The following DAAM1 variants were observed in gnomAD, a reference collection of about 807,000 sequenced individuals.
The protein encoded by DAAM1 is dishevelled associated activator of morphogenesis 1.
In DAAM1, 52 loss-of-function variants were observed where a neutral mutation model predicts 130.0. The observed-to-expected ratio is 0.40, with a 90% CI of 0.32 to 0.50. The LOEUF is 0.50. Among genes scored for constraint, DAAM1 ranks in the 20% least tolerant of loss-of-function variants. DAAM1 has a pLI of 0.61. For missense variants in DAAM1, 1,134 were observed against 1,303.8 expected (o/e 0.87, Z 2.01); for synonymous variants, 452 against 444.5 (o/e 1.02, Z -0.21).
chr14:59,280,924 TG>T (rs1335215321), intron 2 of DAAM1, among the ~76,000 whole-genome samples: 1 of 152,146 alleles, frequency 6.6e-6, no homozygotes, highest in African/African-American at 2.4e-5. Flanking sequence ...TTACTGTTAT[TG>T]TTTTTATTTT....
At chr14:59,326,887 A>T in intron 11 of DAAM1, 46 bp from the exon 12 acceptor site, 1 of 1,609,732 alleles carries the variant, frequency 6.2e-7, no homozygotes. Context: ...TTAGCAGTGG[A>T]CCTTTTATAT....
chr14:59,195,907 T>C (rs767548588), intron 1 of DAAM1, among the ~76,000 whole-genome samples: 4 of 151,968 alleles, frequency 2.6e-5, no homozygotes, highest in Non-Finnish European at 5.9e-5. Context: ...AAATTAATCA[T>C]GCTTTTGGGG....
chr14:59,257,221 G>A (rs535826023), intron 1 of DAAM1, among the ~76,000 whole-genome samples: 6 of 152,236 alleles, frequency 3.9e-5, no homozygotes, highest in Non-Finnish European at 7.4e-5. Flanking sequence ...ACCCAGTCAC[G>A]TATCTCTGAC....
At position 59,367,690 on chromosome 14, in the gene DAAM1, C is replaced by A. The variant is rs902795536; in HGVS notation, c.2997+91C>A. On this transcript the variant is annotated intron_variant, in intron 24 of 24. Transcript: ENST00000360909. Reference sequence around the variant, plus strand: ...GTATTTAGAGAGCACTCTGACCTGGCAGGAAGGAAGGCTTCAATGTACTCT... The same window carrying A: ...GTATTTAGAGAGCACTCTGACCTGGAAGGAAGGAAGGCTTCAATGTACTCT... The A allele has an allele frequency of 7.5e-6, 11 of 1,457,062 alleles. No individual in the cohort carries two copies. In the African/African-American group the frequency reaches 1.4e-4, roughly 19 times the overall value. 90.3% of individuals were successfully genotyped at this position (1,457,062 alleles called of 1,614,324 possible). A position where few individuals can be genotyped will look rare whatever the true frequency, so the allele number is the denominator to read the frequency against.
rs113279275 is a variant in DAAM1, at chr14:59,312,450, T to C, written c.274-2830T>C. 5.0e-3 allele frequency among the ~76,000 whole-genome samples: 754 copies of C among 152,304 alleles called. 6 individuals are homozygous for C. The highest frequency in any genetic ancestry group is 0.017 in the African/African-American group (694 of 41,556). On this transcript the variant is annotated intron_variant, in intron 3 of 24. Coordinates refer to ENST00000360909, the MANE Select transcript of DAAM1 (RefSeq NM_001270520.2). Reference sequence around the variant, plus strand: ...GGTTACTTAAGAGTCACATAGCTAGTGAGAGACTAAGGATTCAAATGCTGT... The same window carrying C: ...GGTTACTTAAGAGTCACATAGCTAGCGAGAGACTAAGGATTCAAATGCTGT...
At chr14:59,351,984 C>G (rs1030906964) in intron 17 of DAAM1, among the ~76,000 whole-genome samples, 7 of 151,874 alleles carry the variant, frequency 4.6e-5, no homozygotes, top group African/African-American at 1.7e-4. Context: ...TCACCCAGCT[C>G]TGCATGGAAG....
chr14:59,274,299 T>C (rs891804472), intron 2 of DAAM1, among the ~76,000 whole-genome samples: 1 of 152,102 alleles, frequency 6.6e-6, no homozygotes, highest in Non-Finnish European at 1.5e-5. Context: ...ATATATGACA[T>C]GTATATATAT....
chr14:59,211,173 A>C (rs1345996066), intron 1 of DAAM1, among the ~76,000 whole-genome samples: 1 of 152,214 alleles, frequency 6.6e-6, no homozygotes. Flanking sequence ...TCTTCCAAGC[A>C]CAGAGAGCTT....
chr14:59,227,236 G>T (rs1182981880), intron 1 of DAAM1, among the ~76,000 whole-genome samples: 2 of 152,118 alleles, frequency 1.3e-5, no homozygotes, highest in African/African-American at 4.8e-5. Flanking sequence ...AGGCTTACAT[G>T]TGAACAAGGA....
At chr14:59,222,899 A>G (rs34582858) in intron 1 of DAAM1, among the ~76,000 whole-genome samples, 30,665 of 152,194 alleles carry the variant, frequency 0.2, 3,752 homozygotes, top group Non-Finnish European at 0.27. Context: ...TCTTCTTTCA[A>G]GCAAAGTGCA....
intron 1 of DAAM1, among the ~76,000 whole-genome samples, chr14:59,223,352 G>A (rs533637510): frequency 6.6e-6 from 1 of 152,316 alleles, no homozygotes; most frequent in South Asian, 2.1e-4. Context: ...GGTAGCCCAT[G>A]ATTAAGTGCT....
rs138081475 is a variant in DAAM1 at position 59,272,643 on chromosome 14, A to ATGTATG, written c.183+8984_183+8985insGTATGT. ...CACACACACACACATACACACATAT[A>ATGTATG]TATGTATGTATGTATGTATGTATGT... is the stretch of plus-strand genomic sequence containing the variant. On this transcript the variant is annotated intron_variant, in intron 2 of 24. Coordinates refer to ENST00000360909, the MANE Select transcript of DAAM1 (RefSeq NM_001270520.2). Among the ~76,000 whole-genome samples, 993 of 145,950 alleles carry ATGTATG rather than the reference A, an allele frequency of 6.8e-3. 6 individuals carry two copies. Among genetic ancestry groups the ATGTATG allele is most frequent in the African/African-American group, 7.9e-3 (314 of 39,896 alleles).
chr14:59,362,381 G>C (rs1249457932), intron 22 of DAAM1: 1 of 152,106 alleles, frequency 6.6e-6, no homozygotes, highest in Admixed American at 6.5e-5. Flanking sequence ...ATATATATGT[G>C]TTCTAATTGT....
chr14:59,282,230 A>G (rs1280997166), intron 2 of DAAM1, among the ~76,000 whole-genome samples: 1 of 152,026 alleles, frequency 6.6e-6, no homozygotes, highest in Non-Finnish European at 1.5e-5. Flanking sequence ...CTGATTGTTC[A>G]TTGTGTTGAT....
Position 59,331,862 on chromosome 14 carries a change from T to C in DAAM1, c.1910T>C (p.Phe637Ser). 1 of 1,614,126 alleles carries C rather than the reference T, an allele frequency of 6.2e-7. No homozygotes were observed. Among genetic ancestry groups the C allele is most frequent in the Non-Finnish European group, 8.5e-7 (1 of 1,179,990 alleles). Residue 637 changes from phenylalanine (F) to serine (S), a missense_variant, in exon 15 of 25, where the codon TTC (phenylalanine) becomes TCC (serine). Phe to Ser is a radical substitution (Grantham distance 155, BLOSUM62 -2). Transcript: ENST00000360909. Reference protein sequence around the residue: ...VWTEIDDTKVFKILDLEDLER... With the variant: ...VWTEIDDTKVSKILDLEDLER... ...ACCGAAATTGATGATACAAAAGTCT[T>C]CAAAATTCTAGATCTTGAAGACCTG... is the stretch of plus-strand genomic sequence containing the variant.
At position 59,370,144 on chromosome 14, in the gene DAAM1, C is replaced by CT. The variant is rs398025271; in HGVS notation, c.*1311dup. On this transcript the variant is annotated 3_prime_UTR_variant, in exon 25 of 25. Transcript: ENST00000360909. ...TATAAAGAGGACTGTTACTTTTTTACTTTTTTTTTTTTTTTTTTTTTTTTT... is the reference window on the plus strand; with the variant it reads ...TATAAAGAGGACTGTTACTTTTTTACTTTTTTTTTTTTTTTTTTTTTTTTTT... 1.2e-4 allele frequency: 11 copies of CT among 95,374 alleles called. No homozygotes were observed. Among genetic ancestry groups the CT allele is most frequent in the South Asian group, 9.1e-4 (2 of 2,186 alleles). 5.9% of individuals were successfully genotyped at this position (95,374 alleles called of 1,614,324 possible).
chr14:59,365,582 T>C (rs1485622115), intron 23 of DAAM1, among the ~76,000 whole-genome samples: 2 of 152,186 alleles, frequency 1.3e-5, no homozygotes, highest in Non-Finnish European at 2.9e-5. Context: ...CTGTAAAATA[T>C]ATATAAATAT....
At chr14:59,268,190 CGCGCCCG>C (rs1207433608) in intron 2 of DAAM1, among the ~76,000 whole-genome samples, 1 of 152,070 alleles carries the variant, frequency 6.6e-6, no homozygotes, top group Non-Finnish European at 1.5e-5. Flanking sequence ...CATGAGTCAC[CGCGCCCG>C]GCGCCTGCCA....
intron 1 of DAAM1, 125 bp from the exon 2 acceptor site, chr14:59,263,316 C>G (rs1882266167): frequency 1.4e-6 from 1 of 738,802 alleles, no homozygotes; most frequent in Non-Finnish European, 2.2e-6. Flanking sequence ...GTTGTTCTCT[C>G]TGTGCCCTGC....
Sources: allele counts gnomAD v4.1 joint callset (sites outside exome capture counted in the v4.1 genomes callset), GRCh38; gene constraint gnomAD v4.1.1; transcripts MANE v1.5; gene names NCBI Gene and HGNC (gene_info 2026-07-23, HGNC 2026-07-21).